ZNG1A: variants seen among roughly 807,000 people sequenced by gnomAD.
The protein encoded by ZNG1A is Zn regulated GTPase metalloprotein activator 1A.
the ZNG1A span, among the ~76,000 whole-genome samples, chr9:143,199 C>G: frequency 6.7e-6 from 1 of 148,416 alleles, no homozygotes; most frequent in Admixed American, 6.7e-5. Context: ...TTTGATGAGG[C>G]CAGCATCATC....
chr9:161,792 T>A, the ZNG1A span: 1 of 481,910 alleles, frequency 2.1e-6, no homozygotes, highest in Non-Finnish European at 3.8e-6. Flanking sequence ...CATAGCAGGA[T>A]GTCTTTTACA....
the ZNG1A span, chr9:154,590 C>G: frequency 1.4e-6 from 1 of 714,946 alleles, no homozygotes; most frequent in African/African-American, 1.8e-5. Context: ...GATTCCCTAA[C>G]GTTCTTGAAG....
the ZNG1A span, chr9:153,989 C>A: frequency 6.6e-6 from 1 of 152,306 alleles, no homozygotes; most frequent in East Asian, 1.9e-4. Context: ...AGCCCCTGAA[C>A]TATAACCTCA....
chr9:176,840 TG>T, the ZNG1A span, among the ~76,000 whole-genome samples: 3 of 147,662 alleles, frequency 2.0e-5, no homozygotes, highest in Middle Eastern at 3.5e-3. Flanking sequence ...AACCATATTA[TG>T]AAAAAAAAAA....
the ZNG1A span, among the ~76,000 whole-genome samples, chr9:128,882 G>A: frequency 6.6e-6 from 1 of 151,342 alleles, no homozygotes; most frequent in African/African-American, 2.4e-5. Context: ...CCTTGATGTA[G>A]TACTCTCTCC....
the ZNG1A span, among the ~76,000 whole-genome samples, chr9:129,718 GA>G: frequency 6.6e-6 from 1 of 150,770 alleles, no homozygotes. Context: ...CATGCAAGAT[GA>G]AAAGGTCCAG....
At chr9:161,319 T>C in the ZNG1A span, among the ~76,000 whole-genome samples, 1 of 151,504 alleles carries the variant, frequency 6.6e-6, no homozygotes, top group South Asian at 2.1e-4. Flanking sequence ...AAATACAAAA[T>C]TAGCTGGGCA....
chr9:160,403 T>C, the ZNG1A span, among the ~76,000 whole-genome samples: 1 of 152,072 alleles, frequency 6.6e-6, no homozygotes, highest in South Asian at 2.1e-4. Context: ...ACCAGAGGAA[T>C]TGGACAAGTT....
chr9:144,420 A>T, the ZNG1A span, among the ~76,000 whole-genome samples: 1 of 151,050 alleles, frequency 6.6e-6, no homozygotes, highest in South Asian at 2.1e-4. Flanking sequence ...ATCTTTGACA[A>T]ACCTGAGAAA....
the ZNG1A span, among the ~76,000 whole-genome samples, chr9:152,385 T>C: frequency 6.6e-6 from 1 of 152,194 alleles, no homozygotes; most frequent in African/African-American, 2.4e-5. Context: ...GAAAAAATCA[T>C]TCATAAATAG....
At chr9:154,307 C>G in the ZNG1A span, 2 of 274,796 alleles carry the variant, frequency 7.3e-6, no homozygotes, top group East Asian at 1.2e-4. Flanking sequence ...AAAAGCAGAA[C>G]AAGAAAGAAC....
the ZNG1A span, among the ~76,000 whole-genome samples, chr9:160,456 C>T: frequency 2.0e-5 from 3 of 152,084 alleles, no homozygotes; most frequent in South Asian, 2.1e-4. Context: ...ATCTGGCATC[C>T]GACTTAGAAA....
the ZNG1A span, chr9:147,175 C>CAGAAGAA: frequency 1.3e-4 from 3 of 22,614 alleles, no homozygotes; most frequent in African/African-American, 6.1e-4. Flanking sequence ...GACTCCGCCT[C>CAGAAGAA]AAAAGAAAAA....
At chr9:156,035 G>A in the ZNG1A span, among the ~76,000 whole-genome samples, 1 of 150,836 alleles carries the variant, frequency 6.6e-6, no homozygotes, top group African/African-American at 2.4e-5. Flanking sequence ...AGCTACTTGG[G>A]AGGCTGAGGC....
the ZNG1A span, among the ~76,000 whole-genome samples, chr9:142,179 G>A: frequency 1.3e-5 from 2 of 148,360 alleles, no homozygotes; most frequent in Non-Finnish European, 3.0e-5. Flanking sequence ...ACTCAGCTCT[G>A]CACCAAGCAG....
At chr9:150,576 C>G in the ZNG1A span, 11 of 983,610 alleles carry the variant, frequency 1.1e-5, no homozygotes, top group Non-Finnish European at 1.3e-5. Flanking sequence ...AACTTCAGTC[C>G]TCATAGCAAG....
At chr9:155,870 C>A in the ZNG1A span, among the ~76,000 whole-genome samples, 5 of 149,284 alleles carry the variant, frequency 3.3e-5, no homozygotes, top group Admixed American at 3.3e-4. Flanking sequence ...TTTGGGAGGC[C>A]GAGGCGGGTG....
the ZNG1A span, among the ~76,000 whole-genome samples, chr9:126,618 C>T: frequency 1.3e-5 from 2 of 151,978 alleles, no homozygotes; most frequent in Admixed American, 6.6e-5. Flanking sequence ...ATCTTGCTAA[C>T]GGTCTATCAA....
the ZNG1A span, chr9:178,964 T>C: frequency 1.8e-6 from 2 of 1,101,996 alleles, no homozygotes; most frequent in East Asian, 5.0e-5. Flanking sequence ...CAACAGCCGG[T>C]AACATTCCGG....
Sources: allele counts gnomAD v4.1 joint callset (sites outside exome capture counted in the v4.1 genomes callset), GRCh38; gene constraint gnomAD v4.1.1; transcripts MANE v1.5; gene names NCBI Gene and HGNC (gene_info 2026-07-23, HGNC 2026-07-21).